USP54: variants seen among roughly 807,000 people sequenced by gnomAD.
USP54 encodes the protein ubiquitin specific peptidase 54.
A neutral mutation model predicts 170.5 loss-of-function variants in USP54; 87 were observed. That is an observed-to-expected ratio of 0.51 (90% CI 0.43 to 0.61). USP54 has a LOEUF of 0.61. Among genes scored for constraint, USP54 ranks in the 20% least tolerant of loss-of-function variants. The pLI, the probability that USP54 is intolerant of heterozygous loss-of-function variation, is 0.00. For missense variants in USP54, 1,786 were observed against 2,047.8 expected, an observed-to-expected ratio of 0.87 and a Z score of 2.47; for synonymous variants, 655 against 742.8, an observed-to-expected ratio of 0.88 and a Z score of 1.92.
At chr10:73,505,799 GGCGTAGCT>G (rs1465155990) in intron 20 of USP54, 1 of 163,524 alleles carries the variant, frequency 6.1e-6, no homozygotes, top group Non-Finnish European at 1.3e-5. Context: ...GAACCCGGGA[GGCGTAGCT>G]TGCAGTGAGC....
chr10:73,547,603 G>C (rs561067552), intron 4 of USP54, among the ~76,000 whole-genome samples: 7 of 152,086 alleles, frequency 4.6e-5, no homozygotes, highest in Non-Finnish European at 1.0e-4. Context: ...TCTGATCTTT[G>C]ACAAACCTGA....
At chr10:73,508,953 G>A (rs1349676900) in intron 20 of USP54, among the ~76,000 whole-genome samples, 2 of 150,404 alleles carry the variant, frequency 1.3e-5, no homozygotes, top group Non-Finnish European at 3.0e-5. Flanking sequence ...GTGTGAGCCA[G>A]TGCACCCGGC....
intron 20 of USP54, among the ~76,000 whole-genome samples, chr10:73,514,277 T>C (rs569515165): frequency 3.9e-5 from 6 of 152,270 alleles, no homozygotes; most frequent in African/African-American, 1.2e-4. Context: ...AAATAATTAC[T>C]TGTGGCCTGG....
chr10:73,500,311 TAGA>T (rs2057831321), intron 23 of USP54, among the ~76,000 whole-genome samples: 1 of 152,176 alleles, frequency 6.6e-6, no homozygotes, highest in African/African-American at 2.4e-5. Flanking sequence ...GCTCAGAGGA[TAGA>T]AGGAGAGATG....
At chr10:73,601,567 C>T (rs1012140353) in intron 1 of USP54, among the ~76,000 whole-genome samples, 2 of 151,906 alleles carry the variant, frequency 1.3e-5, no homozygotes, top group African/African-American at 4.8e-5. Flanking sequence ...CCTGCTTCTC[C>T]CAGCTGCAGG....
At chr10:73,539,629 A>G (rs764024289) in intron 9 of USP54, 36 bp from the exon 10 acceptor site, 3 of 1,555,156 alleles carry the variant, frequency 1.9e-6, no homozygotes, top group East Asian at 2.3e-5. Context: ...GCACAGTCAC[A>G]TATTCAACCA....
At chr10:73,524,721 A>C (rs1264901801) in intron 16 of USP54, among the ~76,000 whole-genome samples, 2 of 152,216 alleles carry the variant, frequency 1.3e-5, no homozygotes, top group Admixed American at 1.3e-4. Flanking sequence ...ATTTCATTTA[A>C]TCATAACAAC....
At chr10:73,525,822 T>C (rs775125574) in intron 16 of USP54, among the ~76,000 whole-genome samples, 1 of 152,258 alleles carries the variant, frequency 6.6e-6, no homozygotes, top group Non-Finnish European at 1.5e-5. Context: ...TTTTTACTAC[T>C]GCTGCTGCAG....
At chr10:73,589,733 G>T (rs1386536186) in intron 1 of USP54, among the ~76,000 whole-genome samples, 3 of 152,198 alleles carry the variant, frequency 2.0e-5, no homozygotes, top group Non-Finnish European at 4.4e-5. Context: ...GAGAACACTG[G>T]TACTGAATGG....
At chr10:73,518,075 G>T in intron 19 of USP54, 1 of 742,090 alleles carries the variant, frequency 1.3e-6, no homozygotes, top group Non-Finnish European at 1.6e-6. Context: ...TGCAAATTAG[G>T]AAACAAAATC....
At chr10:73,526,176 A>G (rs368457426) in intron 16 of USP54, among the ~76,000 whole-genome samples, 1 of 152,210 alleles carries the variant, frequency 6.6e-6, no homozygotes, top group African/African-American at 2.4e-5. Context: ...GAGAACAAAA[A>G]ATAGATAAAT....
At chr10:73,580,202 C>T (rs1465697541) in intron 1 of USP54, among the ~76,000 whole-genome samples, 1 of 151,372 alleles carries the variant, frequency 6.6e-6, no homozygotes, top group African/African-American at 2.4e-5. Flanking sequence ...CCTATAATCC[C>T]AGCTCCTAGG....
Position 73,520,962 on chromosome 10 carries a change from G to C in USP54, c.2428C>G (p.Leu810Val). 1 of 1,614,170 alleles carries C rather than the reference G, an allele frequency of 6.2e-7. No homozygotes were observed. Among genetic ancestry groups the C allele is most frequent in the Non-Finnish European group, 8.5e-7 (1 of 1,180,040 alleles). Reference protein sequence around the residue: ...AESVFEESLHLEQKGDCAAAL... With the variant: ...AESVFEESLHVEQKGDCAAAL... ...GCAGCACAGTCTCCTTTCTGTTCCA[G>C]ATGTAGTGACTCTTCAAACACTGAC... The change falls in exon 18 of 24, where the codon CTG (leucine) becomes GTG (valine). Residue 810 changes from leucine (L) to valine (V), a missense_variant. Physicochemically the swap from Leu to Val is conservative, Grantham distance 32. This residue lies in a region of USP54 where 1,418 missense variants were observed against 1,569.0 expected (regional missense o/e 0.90). Transcript: ENST00000687698.
At chr10:73,584,386 CA>C (rs200241841) in intron 1 of USP54, among the ~76,000 whole-genome samples, 8 of 145,274 alleles carry the variant, frequency 5.5e-5, no homozygotes, top group African/African-American at 5.0e-5. Flanking sequence ...GACTTTGTCT[CA>C]AAAAAAAAAG....
At chr10:73,534,400 C>T (rs544738606) in intron 12 of USP54, among the ~76,000 whole-genome samples, 200 bp downstream of exon 12, 186 of 151,990 alleles carry the variant, frequency 1.2e-3, no homozygotes, top group South Asian at 6.2e-3. Context: ...TTAGTAGAGA[C>T]GGAGTTTCAC....
At chr10:73,531,073 A>G (rs2063870526) in intron 12 of USP54, among the ~76,000 whole-genome samples, 1 of 152,064 alleles carries the variant, frequency 6.6e-6, no homozygotes, top group South Asian at 2.1e-4. Context: ...TAAGGCGGGC[A>G]GATCACTTGA....
rs2057516411 is a variant in USP54 at position 73,499,161 on chromosome 10, A to G, written c.4523T>C (p.Leu1508Pro). ...AGTTTCACCCCTGTCACACATAGCCAGAAACTGCTGGACACTCCTTGAAGT... is the reference window on the plus strand; with the variant it reads ...AGTTTCACCCCTGTCACACATAGCCGGAAACTGCTGGACACTCCTTGAAGT... Reference protein sequence around the residue: ...PGTSRSVQQFLAMCDRGETSQ... With the variant: ...PGTSRSVQQFPAMCDRGETSQ... The change falls in exon 24 of 24, where the codon CTG (leucine) becomes CCG (proline). Residue 1508 changes from leucine to proline, a missense_variant. Around this residue, in one of 3 missense-constraint regions of USP54, gnomAD observed 1,418 missense variants for 1,569.0 expected, o/e 0.90. Coordinates refer to ENST00000687698, the MANE Select transcript of USP54 (RefSeq NM_001391956.1). 2 of 1,612,214 alleles carry G rather than the reference A, an allele frequency of 1.2e-6. No homozygotes were observed. The highest frequency in any genetic ancestry group is 1.3e-5 in the African/African-American group (1 of 74,840).
At position 73,498,846 on chromosome 10, in the gene USP54, G is replaced by A. The variant is rs2057458704; in HGVS notation, c.4838C>T (p.Pro1613Leu). 1 of 1,613,294 alleles carries A rather than the reference G, an allele frequency of 6.2e-7. No homozygotes were observed. Among genetic ancestry groups the A allele is most frequent in the Non-Finnish European group, 8.5e-7 (1 of 1,179,498 alleles). The stretch of plus-strand genomic sequence containing the variant: ...ATCTGAATTCCAAGCTGACCTCAGG[G>A]GTACATGAAGACTGCTAGATGGTGG... ...VYPPSSSLHV[P>L]LRSAWNSDPV... The change falls in exon 24 of 24, where the codon CCC becomes CTC. Residue 1613 changes from proline to leucine, a missense_variant. Pro to Leu is a moderately conservative substitution (Grantham distance 98). This residue lies in a region of USP54 where 1,418 missense variants were observed against 1,569.0 expected (regional missense o/e 0.90). Coordinates refer to ENST00000687698, the MANE Select transcript of USP54 (RefSeq NM_001391956.1).
chr10:73,517,417 C>T lies in USP54; in HGVS notation c.3009G>A (p.Arg1003=). 6.2e-7 allele frequency: 1 copy of T among 1,614,176 alleles called. No homozygotes were observed. The highest frequency in any genetic ancestry group is 1.1e-5 in the South Asian group (1 of 91,082). The change falls in exon 20 of 24, where the codon AGG becomes AGA. Residue 1003 remains arginine (R), a synonymous_variant. Coordinates refer to ENST00000687698, the MANE Select transcript of USP54 (RefSeq NM_001391956.1). ...GCTTGCTGCAACTGCTGTTGTCACA[C>T]CTAGAGCCTTGCAGCTTACCCTCTG... ...DAPEGKLQGS[R]CDNSSCSKLP... is the part of the protein sequence containing the mutation.
Sources: allele counts gnomAD v4.1 joint callset (sites outside exome capture counted in the v4.1 genomes callset), GRCh38; gene constraint gnomAD v4.1.1; regional missense constraint gnomAD v4.1.1; transcripts MANE v1.5; gene names NCBI Gene and HGNC (gene_info 2026-07-23, HGNC 2026-07-21).